The following WWOX variants were observed in gnomAD, a reference collection of about 807,000 sequenced individuals.
WWOX encodes the protein WW domain-containing oxidoreductase.
In WWOX, 69 loss-of-function variants were observed where a neutral mutation model predicts 46.2. The ratio of observed to expected loss-of-function variants is 1.49; its 90% CI spans 1.23 to 1.82. The LOEUF (loss-of-function observed/expected upper bound fraction) is 1.82. WWOX is among the 40% of genes most tolerant of loss of function. The pLI is 0.00. For missense variants in WWOX, 919 were observed against 542.6 expected, an observed-to-expected ratio of 1.69 and a Z score of -6.89; for synonymous variants, 359 against 202.6, an observed-to-expected ratio of 1.77 and a Z score of -6.56.
intron 8 of WWOX, among the ~76,000 whole-genome samples, chr16:78,823,387 A>G (rs1207172903): frequency 6.6e-6 from 1 of 152,198 alleles, no homozygotes; most frequent in Non-Finnish European, 1.5e-5. Context: ...CCATCATTCC[A>G]GGTTCAATAA....
chr16:78,883,809 C>T (rs1054916572), intron 8 of WWOX, among the ~76,000 whole-genome samples: 3 of 151,800 alleles, frequency 2.0e-5, no homozygotes, highest in Admixed American at 6.6e-5. Flanking sequence ...CAATAAACAG[C>T]GTGGAGGAAC....
intron 5 of WWOX, among the ~76,000 whole-genome samples, chr16:78,234,398 T>C (rs547372057): frequency 6.6e-6 from 1 of 152,236 alleles, no homozygotes; most frequent in African/African-American, 2.4e-5. Flanking sequence ...TCATGAGAAG[T>C]TCATATGTGT....
chr16:78,737,386 C>T (rs964633349), intron 8 of WWOX, among the ~76,000 whole-genome samples: 3 of 152,022 alleles, frequency 2.0e-5, no homozygotes, highest in Non-Finnish European at 2.9e-5. Context: ...ATCCGCCTGC[C>T]TCAGCCTCCC....
intron 5 of WWOX, among the ~76,000 whole-genome samples, chr16:78,319,395 G>A (rs749577910): frequency 1.3e-5 from 2 of 151,938 alleles, no homozygotes; most frequent in Non-Finnish European, 2.9e-5. Context: ...TAAGTAGCTG[G>A]GACTACAGTG....
chr16:79,050,697 A>G (rs150041943), intron 8 of WWOX, among the ~76,000 whole-genome samples: 1 of 152,194 alleles, frequency 6.6e-6, no homozygotes, highest in Non-Finnish European at 1.5e-5. Flanking sequence ...AATTGAAAAA[A>G]TCAATCTGGC....
chr16:78,323,131 G>A (rs1006419088), intron 5 of WWOX, among the ~76,000 whole-genome samples: 2 of 151,912 alleles, frequency 1.3e-5, no homozygotes, highest in African/African-American at 4.8e-5. Context: ...TGTTTGAGAC[G>A]GAGTCTTGCT....
chr16:78,515,200 G>C (rs2085460558), intron 8 of WWOX, among the ~76,000 whole-genome samples: 2 of 152,166 alleles, frequency 1.3e-5, no homozygotes, highest in Non-Finnish European at 2.9e-5. Flanking sequence ...CTCCAGCCTA[G>C]GCGACAGAGC....
intron 6 of WWOX, among the ~76,000 whole-genome samples, chr16:78,417,040 G>GGTGTGTGT (rs143606762): frequency 1.3e-4 from 19 of 151,264 alleles, no homozygotes; most frequent in African/African-American, 4.2e-4. Context: ...ACCCTTTGGG[G>GGTGTGTGT]GTGTGTGTGT....
In WWOX at chr16:78,432,479, A is replaced by T; in HGVS notation, c.792-9A>T. On this transcript the variant is annotated splice_polypyrimidine_tract_variant and intron_variant, in intron 7 of 8. Coordinates refer to ENST00000566780, the MANE Select transcript of WWOX (RefSeq NM_016373.4). The stretch of plus-strand genomic sequence containing the variant: ...TTGGTTGCTTCATGTCATATTTCCT[A>T]TTTTTAAGATTTACAGATATTAACG... 2 of 1,608,792 alleles carry T rather than the reference A, an allele frequency of 1.2e-6. No individual in the cohort carries two copies. The highest frequency in any genetic ancestry group is 1.7e-6 in the Non-Finnish European group (2 of 1,177,426).
chr16:78,217,201 C>G (rs1345115852), intron 5 of WWOX, among the ~76,000 whole-genome samples: 2 of 152,184 alleles, frequency 1.3e-5, no homozygotes, highest in Non-Finnish European at 2.9e-5. Flanking sequence ...GCCCTGCATC[C>G]ACAGTCATAA....
intron 5 of WWOX, among the ~76,000 whole-genome samples, chr16:78,309,970 C>T (rs1455079221): frequency 6.6e-6 from 1 of 152,100 alleles, no homozygotes; most frequent in East Asian, 1.9e-4. Flanking sequence ...GTTCGTAGAG[C>T]CAGGGTCTGG....
intron 8 of WWOX, among the ~76,000 whole-genome samples, chr16:78,919,266 C>T (rs933570798): frequency 6.6e-6 from 1 of 151,962 alleles, no homozygotes; most frequent in Non-Finnish European, 1.5e-5. Context: ...CCACTCTTAG[C>T]CCACTTTTAT....
intron 8 of WWOX, among the ~76,000 whole-genome samples, chr16:78,568,222 A>G (rs1450181258): frequency 1.3e-5 from 2 of 152,112 alleles, no homozygotes; most frequent in African/African-American, 4.8e-5. Flanking sequence ...GTGCATAGTA[A>G]CTGCCTTGAG....
At chr16:78,871,423 C>G (rs143766797) in intron 8 of WWOX, among the ~76,000 whole-genome samples, 47 of 152,296 alleles carry the variant, frequency 3.1e-4, no homozygotes, top group African/African-American at 1.1e-3. Context: ...ATGGTTGGCA[C>G]AGGCTTCGAT....
At chr16:79,026,738 G>A (rs2550704) in intron 8 of WWOX, among the ~76,000 whole-genome samples, 2 of 146,900 alleles carry the variant, frequency 1.4e-5, no homozygotes, top group East Asian at 2.0e-4. Flanking sequence ...CTGCCTCAGC[G>A]TCCCAAGTAG....
chr16:79,124,445 A>G (rs1228493911), intron 8 of WWOX, among the ~76,000 whole-genome samples: 1 of 152,152 alleles, frequency 6.6e-6, no homozygotes, highest in African/African-American at 2.4e-5. Context: ...ATGATACGTT[A>G]AGGGAAAGGA....
intron 8 of WWOX, among the ~76,000 whole-genome samples, chr16:79,117,312 C>G (rs1446022307): frequency 1.3e-5 from 2 of 152,072 alleles, no homozygotes; most frequent in East Asian, 3.9e-4. Context: ...CTGGACCAAG[C>G]AGAATATTTT....
At chr16:78,799,724 C>G (rs745847269) in intron 8 of WWOX, among the ~76,000 whole-genome samples, 1 of 152,148 alleles carries the variant, frequency 6.6e-6, no homozygotes, top group Non-Finnish European at 1.5e-5. Flanking sequence ...AAAACCTTCT[C>G]TAAAGAAAGT....
At chr16:78,656,764 G>C (rs550730134) in intron 8 of WWOX, among the ~76,000 whole-genome samples, 15 of 152,234 alleles carry the variant, frequency 9.9e-5, no homozygotes, top group Admixed American at 6.5e-4. Flanking sequence ...CCTTACAAGG[G>C]GTTCCTTCCA....
Sources: gnomAD v4.1 joint callset for allele counts (sites outside exome capture counted in the v4.1 genomes callset) on GRCh38, gnomAD v4.1.1 for gene constraint, MANE v1.5 for transcripts, NCBI Gene and HGNC (gene_info 2026-07-23, HGNC 2026-07-21) for gene names.